Variants in NIPBL observed in about 807,000 individuals in gnomAD.
NIPBL encodes NIPBL cohesin loading factor, also known as nipped-B-like protein.
A neutral mutation model predicts 321.8 loss-of-function variants in NIPBL; 19 were observed. The observed-to-expected ratio is 0.06, with a 90% CI of 0.04 to 0.09. The LOEUF is 0.09. Among genes scored for constraint, NIPBL ranks in the 10% least tolerant of loss-of-function variants. NIPBL has a pLI of 1.00. For synonymous variants in NIPBL, 1,106 were observed against 1,114.1 expected, an observed-to-expected ratio of 0.99 and a Z score of 0.14; for missense variants, 2,210 against 3,327.0, an observed-to-expected ratio of 0.66 and a Z score of 8.26.
chr5:36,905,458 C>G (rs1234900573), intron 1 of NIPBL, among the ~76,000 whole-genome samples: 1 of 152,102 alleles, frequency 6.6e-6, no homozygotes, highest in African/African-American at 2.4e-5. Context: ...ATACTACCTT[C>G]TTAAATTTAG....
intron 1 of NIPBL, among the ~76,000 whole-genome samples, chr5:36,943,690 G>C (rs1739358385): frequency 1.3e-5 from 2 of 152,096 alleles, no homozygotes; most frequent in Non-Finnish European, 2.9e-5. Flanking sequence ...GGAGCCAGAA[G>C]CACAGAAGCA....
chr5:36,924,552 A>T (rs1039185662), intron 1 of NIPBL, among the ~76,000 whole-genome samples: 5 of 152,140 alleles, frequency 3.3e-5, no homozygotes, highest in African/African-American at 1.2e-4. Context: ...GGAACACTGT[A>T]TTGTCTTGTG....
rs1741618084 is a variant in NIPBL, at chr5:36,961,485, A to T, written c.360A>T (p.Gly120=). The change falls in exon 5 of 47, where the codon GGA becomes GGT. Residue 120 remains glycine, a splice_region_variant and synonymous_variant. Coordinates refer to ENST00000282516, the MANE Select transcript of NIPBL (RefSeq NM_133433.4). The stretch of plus-strand genomic sequence containing the variant: ...TCTGTATTTTTGTGTTTTGCATAGG[A>T]ATGATGATGTCTCAGTATAAACTTT... ...KSMQNRYVQS[G]MMMSQYKLSQ... The T allele has an allele frequency of 3.2e-6, 5 of 1,586,134 alleles. No homozygotes were observed. The highest frequency in any genetic ancestry group is 4.3e-6 in the Non-Finnish European group (5 of 1,154,598).
Position 36,994,470 on chromosome 5 carries a change from G to A in NIPBL, c.3122-1152G>A, listed in dbSNP as rs182604398. 2.5e-3 allele frequency among the ~76,000 whole-genome samples: 377 copies of A among 152,178 alleles called. 1 individual carries two copies. Among genetic ancestry groups the A allele is most frequent in the Non-Finnish European group, 3.1e-3 (213 of 67,948 alleles). The stretch of plus-strand genomic sequence containing the variant: ...TTGTATCGTCTTAATATTCTTGATA[G>A]CTATTTACTTTTCTGTCATGATTTT... On this transcript the variant is annotated intron_variant, in intron 10 of 46. Transcript: ENST00000282516.
rs148577412 is a variant in NIPBL at position 36,939,342 on chromosome 5, A to G, written c.-79-14276A>G. Among the ~76,000 whole-genome samples, 115 of 152,174 alleles carry G rather than the reference A, an allele frequency of 7.6e-4. 1 individual carries two copies. Among genetic ancestry groups the G allele is most frequent in the Non-Finnish European group, 1.3e-3 (87 of 67,996 alleles). ...GCCCCTGGCAACCACTAATCTTTTC[A>G]CCATCTCTACAATGTTATTATTTCA... On this transcript the variant is annotated intron_variant, in intron 1 of 46. Coordinates refer to ENST00000282516, the MANE Select transcript of NIPBL (RefSeq NM_133433.4).
At chr5:36,937,648 C>T (rs571211953) in intron 1 of NIPBL, among the ~76,000 whole-genome samples, 6 of 152,208 alleles carry the variant, frequency 3.9e-5, no homozygotes, top group South Asian at 2.1e-4. Flanking sequence ...TGTCATCCAA[C>T]GTCTTTCTGA....
intron 42 of NIPBL, 68 bp from the exon 43 acceptor site, chr5:37,057,118 A>T: frequency 6.4e-7 from 1 of 1,569,090 alleles, no homozygotes; most frequent in East Asian, 2.3e-5. Context: ...ATTTTTTCTA[A>T]AAAAGGTTTT....
intron 1 of NIPBL, among the ~76,000 whole-genome samples, chr5:36,879,387 G>T (rs1236783858): frequency 6.6e-6 from 1 of 152,138 alleles, no homozygotes; most frequent in African/African-American, 2.4e-5. Flanking sequence ...AGTAATATAG[G>T]TTGTGTGATA....
intron 1 of NIPBL, among the ~76,000 whole-genome samples, chr5:36,913,486 C>T (rs796326580): frequency 2.0e-5 from 3 of 151,210 alleles, no homozygotes; most frequent in African/African-American, 4.9e-5. Context: ...ACTTCCTGGG[C>T]TCAAGCCATC....
At chr5:36,971,860 T>C in intron 7 of NIPBL, 85 bp from the exon 8 acceptor site, 1 of 1,523,360 alleles carries the variant, frequency 6.6e-7, no homozygotes, top group South Asian at 1.2e-5. Flanking sequence ...CTGTCAGTAA[T>C]TTATGTCTCT....
At chr5:36,929,420 G>T (rs980424713) in intron 1 of NIPBL, among the ~76,000 whole-genome samples, 4 of 152,012 alleles carry the variant, frequency 2.6e-5, no homozygotes, top group Non-Finnish European at 4.4e-5. Context: ...TTATCTTCTT[G>T]TTCACTAGTG....
intron 30 of NIPBL, among the ~76,000 whole-genome samples, chr5:37,025,046 A>G (rs1023351297): frequency 6.6e-6 from 1 of 152,242 alleles, no homozygotes; most frequent in Non-Finnish European, 1.5e-5. Context: ...AGCCTGGGCA[A>G]CATAGTAAGA....
chr5:37,032,972 A>T (rs1751241316), intron 32 of NIPBL, among the ~76,000 whole-genome samples: 1 of 152,210 alleles, frequency 6.6e-6, no homozygotes, highest in African/African-American at 2.4e-5. Flanking sequence ...ATTATACTTT[A>T]AAAAAATTTT....
intron 17 of NIPBL, 130 bp from the exon 18 acceptor site, chr5:37,007,193 A>G: frequency 1.4e-6 from 1 of 726,128 alleles, no homozygotes; most frequent in Non-Finnish European, 2.3e-6. Flanking sequence ...TTAATAAATA[A>G]AAAGCTTTAT....
At position 36,882,333 on chromosome 5, in the gene NIPBL, C is replaced by T. The variant is rs575215091; in HGVS notation, c.-80+5155C>T. Among the ~76,000 whole-genome samples, 91 of 151,872 alleles carry T rather than the reference C, an allele frequency of 6.0e-4. 4 individuals carry two copies. The South Asian group carries it at 0.014, about 23-fold the overall frequency. On this transcript the variant is annotated intron_variant, in intron 1 of 46. Transcript: ENST00000282516. ...AATATGTAGTATTATTGAATGTTTC[C>T]ATGTGACAGAAACTGTGCGAGGGAA...
intron 22 of NIPBL, 134 bp downstream of exon 22, chr5:37,014,899 A>T (rs1748753758): frequency 1.5e-6 from 1 of 657,530 alleles, no homozygotes; most frequent in African/African-American, 1.8e-5. Context: ...TGGTTTCTTG[A>T]TCTTTAAAAT....
At chr5:36,935,055 A>G (rs1436191778) in intron 1 of NIPBL, among the ~76,000 whole-genome samples, 1 of 152,108 alleles carries the variant, frequency 6.6e-6, no homozygotes, top group East Asian at 1.9e-4. Context: ...CCTTGCATAC[A>G]AATACCTTCA....
intron 4 of NIPBL, among the ~76,000 whole-genome samples, chr5:36,959,837 T>C (rs1346217971): frequency 1.3e-5 from 2 of 152,254 alleles, no homozygotes; most frequent in African/African-American, 2.4e-5. Flanking sequence ...GATTTCTGTA[T>C]ACCCTACTTT....
intron 1 of NIPBL, among the ~76,000 whole-genome samples, chr5:36,900,865 C>T (rs143502998): frequency 6.6e-6 from 1 of 152,200 alleles, no homozygotes; most frequent in East Asian, 1.9e-4. Flanking sequence ...CAAGTTCCAG[C>T]GTAATTCCAT....
Sources: allele counts gnomAD v4.1 joint callset (sites outside exome capture counted in the v4.1 genomes callset), GRCh38; gene constraint gnomAD v4.1.1; transcripts MANE v1.5; gene names NCBI Gene and HGNC (gene_info 2026-07-23, HGNC 2026-07-21).